Variants in ADGRL2 observed in about 807,000 individuals in gnomAD.
ADGRL2 encodes the protein calcium-independent alpha-latrotoxin receptor 2.
ADGRL2 carries 44 observed loss-of-function variants against 157.4 expected under a neutral mutation model. The ratio of observed to expected loss-of-function variants is 0.28; its 90% confidence interval spans 0.22 to 0.36. The LOEUF (loss-of-function observed/expected upper bound fraction) is 0.36, where lower values mean the gene tolerates loss of function less well. Among genes scored for constraint, ADGRL2 ranks in the 10% least tolerant of loss-of-function variants. The pLI is 1.00. For missense variants in ADGRL2, 1,510 were observed against 1,768.9 expected, an observed-to-expected ratio of 0.85 and a Z score of 2.63; for synonymous variants, 585 against 624.7, an observed-to-expected ratio of 0.94 and a Z score of 0.95.
chr1:81,465,073 G>A (rs1301873343), intron 2 of ADGRL2, among the ~76,000 whole-genome samples: 2 of 151,986 alleles, frequency 1.3e-5, no homozygotes, highest in Non-Finnish European at 2.9e-5. Context: ...TGTGTTGTCG[G>A]TGGTCACATA....
chr1:81,338,189 C>T (rs778623992), intron 1 of ADGRL2, among the ~76,000 whole-genome samples: 3 of 152,036 alleles, frequency 2.0e-5, no homozygotes, highest in Non-Finnish European at 2.9e-5. Flanking sequence ...ATGGCAAAAT[C>T]CTGTCTTTAC....
At chr1:81,826,978 ATATGT>A (rs1215876753) in intron 1 of ADGRL2, among the ~76,000 whole-genome samples, 2 of 152,176 alleles carry the variant, frequency 1.3e-5, no homozygotes, top group Admixed American at 6.5e-5. Context: ...TTTACGAATG[ATATGT>A]TATAGTTTGA....
At chr1:81,314,135 C>A (rs142637440) in intron 1 of ADGRL2, among the ~76,000 whole-genome samples, 2 of 152,128 alleles carry the variant, frequency 1.3e-5, no homozygotes, top group African/African-American at 2.4e-5. Context: ...CATGAAAGTA[C>A]ATGCTTGTGC....
chr1:81,939,511 A>G (rs1647194578), intron 4 of ADGRL2, among the ~76,000 whole-genome samples: 1 of 151,516 alleles, frequency 6.6e-6, no homozygotes, highest in Non-Finnish European at 1.5e-5. Context: ...TATTGATTAA[A>G]TCATTATTAA....
At chr1:81,890,490 C>T (rs563723019) in intron 2 of ADGRL2, among the ~76,000 whole-genome samples, 7 of 152,170 alleles carry the variant, frequency 4.6e-5, no homozygotes, top group South Asian at 4.1e-4. Flanking sequence ...AAGTGCCAGC[C>T]GTGGGAGATA....
intron 2 of ADGRL2, among the ~76,000 whole-genome samples, chr1:81,887,654 G>A (rs1159863238): frequency 6.6e-6 from 1 of 152,144 alleles, no homozygotes; most frequent in Non-Finnish European, 1.5e-5. Context: ...TTTTAAACAT[G>A]TAGCTCTTCC....
chr1:81,554,704 A>G (rs1459332890), intron 2 of ADGRL2, among the ~76,000 whole-genome samples: 1 of 152,154 alleles, frequency 6.6e-6, no homozygotes, highest in Non-Finnish European at 1.5e-5. Flanking sequence ...CCATGAGACA[A>G]CCAGGTTAAC....
At chr1:81,839,969 A>T (rs1176386617) in intron 2 of ADGRL2, among the ~76,000 whole-genome samples, 1 of 115,282 alleles carries the variant, frequency 8.7e-6, no homozygotes, top group Non-Finnish European at 2.0e-5. Flanking sequence ...CACACAACAC[A>T]CACATCACAG....
intron 1 of ADGRL2, among the ~76,000 whole-genome samples, chr1:81,358,743 C>G (rs1246823378): frequency 6.6e-6 from 1 of 151,982 alleles, no homozygotes; most frequent in Admixed American, 6.6e-5. Flanking sequence ...CTACTGTTGT[C>G]CTCACCTAGA....
intron 3 of ADGRL2, among the ~76,000 whole-genome samples, chr1:81,694,511 C>T (rs1162361567): frequency 6.6e-6 from 1 of 151,740 alleles, no homozygotes; most frequent in Non-Finnish European, 1.5e-5. Flanking sequence ...CACTGTTTTT[C>T]TTTGAAACAG....
chr1:81,605,173 A>T (rs1029646592), intron 3 of ADGRL2, among the ~76,000 whole-genome samples: 4 of 152,162 alleles, frequency 2.6e-5, no homozygotes, highest in Non-Finnish European at 5.9e-5. Flanking sequence ...AGGTCAACAT[A>T]AAGAGCCCTT....
upstream of ADGRL2, among the ~76,000 whole-genome samples, chr1:81,697,398 T>C (rs1335972888): frequency 6.6e-6 from 1 of 152,210 alleles, no homozygotes; most frequent in East Asian, 1.9e-4. Context: ...CTAGGGTTGA[T>C]TGATTGTTGC....
At chr1:81,722,318 C>G (rs1236931768) in intron 1 of ADGRL2, 4 of 642,492 alleles carry the variant, frequency 6.2e-6, no homozygotes, top group Non-Finnish European at 1.1e-5. Flanking sequence ...GCAGAGATAA[C>G]AGAGGAGATG....
chr1:81,682,300 G>A (rs969149437), intron 3 of ADGRL2, among the ~76,000 whole-genome samples: 9 of 152,050 alleles, frequency 5.9e-5, no homozygotes, highest in East Asian at 1.9e-4. Context: ...GCTGGTAATC[G>A]GCTTAAATTT....
At chr1:81,790,204 T>G (rs950017020) in intron 2 of ADGRL2, among the ~76,000 whole-genome samples, 1 of 152,194 alleles carries the variant, frequency 6.6e-6, no homozygotes, top group East Asian at 1.9e-4. Context: ...ATTCAATAAT[T>G]CACATGCGTT....
At chr1:81,959,367 T>G (rs1654596700) in intron 11 of ADGRL2, among the ~76,000 whole-genome samples, 1 of 152,250 alleles carries the variant, frequency 6.6e-6, no homozygotes, top group Non-Finnish European at 1.5e-5. Flanking sequence ...TCTCATTAAA[T>G]GAATTCTAAA....
At chr1:81,485,648 A>G (rs543060629) in intron 2 of ADGRL2, among the ~76,000 whole-genome samples, 1 of 152,304 alleles carries the variant, frequency 6.6e-6, no homozygotes, top group Non-Finnish European at 1.5e-5. Flanking sequence ...CCTAGACAGT[A>G]TTGCTGTAGG....
chr1:81,456,599 T>C (rs543697388), intron 2 of ADGRL2, among the ~76,000 whole-genome samples: 15 of 152,154 alleles, frequency 9.9e-5, no homozygotes, highest in African/African-American at 3.6e-4. Context: ...AACTTAGTCA[T>C]GTATTTGGCC....
chr1:81,877,729 T>C (rs1370435887), intron 2 of ADGRL2, among the ~76,000 whole-genome samples: 1 of 152,044 alleles, frequency 6.6e-6, no homozygotes, highest in East Asian at 1.9e-4. Flanking sequence ...CTAACTTGCC[T>C]TTTTGGGAAG....
Sources: gnomAD v4.1 joint callset for allele counts (sites outside exome capture counted in the v4.1 genomes callset) on GRCh38, gnomAD v4.1.1 for gene constraint, MANE v1.5 for transcripts, NCBI Gene and HGNC (gene_info 2026-07-23, HGNC 2026-07-21) for gene names.